STK11: variants seen among roughly 807,000 people sequenced by gnomAD.
The protein encoded by STK11 is serine/threonine-protein kinase STK11.
In STK11, 8 loss-of-function variants were observed where a neutral mutation model predicts 47.3. That is an observed-to-expected ratio of 0.17 (90% CI 0.10 to 0.31). STK11 has a LOEUF of 0.31. Ranked by LOEUF, STK11 falls within the 10% of genes least tolerant of loss-of-function variation. The pLI, the probability that STK11 is intolerant of heterozygous loss-of-function variation, is 1.00. For synonymous variants in STK11, 330 were observed against 255.8 expected, an observed-to-expected ratio of 1.29 and a Z score of -2.77; for missense variants, 475 against 605.0, an observed-to-expected ratio of 0.79 and a Z score of 2.25.
chr19:1,223,104 C>T lies in STK11; in HGVS notation c.1040C>T (p.Ala347Val), dbSNP rs587782058. The change falls in exon 8 of 10, where the codon GCG becomes GTG. Residue 347 changes from alanine to valine, a missense_variant. Ala to Val is a moderately conservative substitution (Grantham distance 64, BLOSUM62 0). This residue lies in a region of STK11 where 219 missense variants were observed against 189.2 expected (regional missense o/e 1.16). Transcript: ENST00000326873. Reference sequence around the variant, plus strand: ...CCGTACTTGGAGGACCTGCACGGCGCGGACGAGGACGAGGACCTCTTCGAC... The same window carrying T: ...CCGTACTTGGAGGACCTGCACGGCGTGGACGAGGACGAGGACCTCTTCGAC... Reference protein sequence around the residue: ...VVPYLEDLHGADEDEDLFDIE... With the variant: ...VVPYLEDLHGVDEDEDLFDIE... 8.7e-6 allele frequency: 14 copies of T among 1,611,302 alleles called. No individual in the cohort carries two copies. The highest frequency in any genetic ancestry group is 4.5e-5 in the East Asian group (2 of 44,844).
chr19:1,218,597 G>A (rs978220431), intron 2 of STK11, 97 bp downstream of exon 2: 20 of 1,069,760 alleles, frequency 1.9e-5, no homozygotes, highest in Middle Eastern at 2.5e-4. Flanking sequence ...CCGTCTCCTT[G>A]AAGGAGACTG....
intron 5 of STK11, 62 bp from the exon 6 acceptor site, chr19:1,221,151 G>A (rs2145426449): frequency 1.3e-6 from 2 of 1,597,644 alleles, no homozygotes; most frequent in South Asian, 1.1e-5. Flanking sequence ...GTAGAGCTGG[G>A]GCTCCTAGGG....
At chr19:1,226,381 G>T in intron 8 of STK11, 73 bp from the exon 9 acceptor site, 1 of 1,559,064 alleles carries the variant, frequency 6.4e-7, no homozygotes, top group Non-Finnish European at 8.7e-7. Context: ...CCCCGTGGTG[G>T]GGGCCAGCCA....
chr19:1,224,215 C>T (rs1390400703), intron 8 of STK11: 9 of 984,776 alleles, frequency 9.1e-6, no homozygotes, highest in Non-Finnish European at 1.1e-5. Flanking sequence ...GTCTGGGGGC[C>T]CCCCAGGAGG....
intron 8 of STK11, chr19:1,224,242 C>T: frequency 1.0e-6 from 1 of 985,138 alleles, no homozygotes; most frequent in Non-Finnish European, 1.2e-6. Context: ...CATGTGGGGG[C>T]CCCCCAGGAG....
chr19:1,209,600 A>G, intron 1 of STK11, among the ~76,000 whole-genome samples: 1 of 151,864 alleles, frequency 6.6e-6, no homozygotes, highest in Non-Finnish European at 1.5e-5. Flanking sequence ...ATAAATAAAT[A>G]AATAAATAAA....
chr19:1,223,316 C>G, intron 8 of STK11, 144 bp downstream of exon 8: 4 of 1,061,772 alleles, frequency 3.8e-6, no homozygotes, highest in Non-Finnish European at 2.7e-6. Flanking sequence ...AGCCCACCTG[C>G]AGGCTGCCTC....
At chr19:1,212,086 G>A (rs2080715136) in intron 1 of STK11, among the ~76,000 whole-genome samples, 1 of 152,038 alleles carries the variant, frequency 6.6e-6, no homozygotes, top group Non-Finnish European at 1.5e-5. Flanking sequence ...GTCCACTGGG[G>A]GTTCTGGGCT....
chr19:1,206,880 G>C lies in STK11; in HGVS notation c.-34G>C, dbSNP rs1395836070. 1.3e-6 allele frequency: 2 copies of C among 1,538,842 alleles called. No individual in the cohort carries two copies. The highest frequency in any genetic ancestry group is 2.4e-5 in the South Asian group (2 of 84,368). On this transcript the variant is annotated 5_prime_UTR_variant, in exon 1 of 10. Coordinates refer to ENST00000326873, the MANE Select transcript of STK11 (RefSeq NM_000455.5). The stretch of plus-strand genomic sequence containing the variant: ...AGGACCGCTCACCCGCGGACTCAGG[G>C]CTGGCGGCGGGACTCCAGGACCCTG...
Position 1,221,983 on chromosome 19 carries a change from C to T in STK11, c.897C>T (p.Ser299=), listed in dbSNP as rs769013935. ...MLEYEPAKRF[S]IRQIRQHSWF... is the part of the protein sequence containing the mutation. Reference sequence around the variant, plus strand: ...AGTACGAACCGGCCAAGAGGTTCTCCATCCGGCAGATCCGGCAGCACAGGT... The same window carrying T: ...AGTACGAACCGGCCAAGAGGTTCTCTATCCGGCAGATCCGGCAGCACAGGT... Residue 299 remains serine, a synonymous_variant, in exon 7 of 10, where the codon TCC becomes TCT. Transcript: ENST00000326873. 5.7e-6 allele frequency: 9 copies of T among 1,569,676 alleles called. No individual in the cohort carries two copies. Among genetic ancestry groups the T allele is most frequent in the South Asian group, 1.2e-5 (1 of 85,410 alleles).
Position 1,221,221 on chromosome 19 carries a change from T to C in STK11, c.743T>C (p.Ile248Thr), listed in dbSNP as rs1599927536. 1 of 1,612,024 alleles carries C rather than the reference T, an allele frequency of 6.2e-7. No homozygotes were observed. Among genetic ancestry groups the C allele is most frequent in the Non-Finnish European group, 8.5e-7 (1 of 1,179,262 alleles). The change falls in exon 6 of 10, where the codon ATC (isoleucine) becomes ACC (threonine). Residue 248 changes from isoleucine (I) to threonine (T), a missense_variant. By Grantham distance (89) the Ile-to-Thr change is moderately conservative. This residue lies in a region of STK11 where 130 missense variants were observed against 239.7 expected (regional missense o/e 0.54). Coordinates refer to ENST00000326873, the MANE Select transcript of STK11 (RefSeq NM_000455.5). ...IWSAGVTLYN[I>T]TTGLYPFEGD... is the part of the protein sequence containing the mutation. ...CTCCCCTCGAAATGAAGCTACAACA[T>C]CACCACGGGTCTGTACCCCTTCGAA...
rs996748569 is a variant in STK11 at position 1,225,033 on chromosome 19, G to A, written c.1109-1421G>A. On this transcript the variant is annotated intron_variant, in intron 8 of 9. Transcript: ENST00000326873. ...CTGCGTGCCTCCACTTTGGCCTCAC[G>A]TGTCCCTACCCAGGATGCGGGTCCT... 9 of 980,350 alleles carry A rather than the reference G, an allele frequency of 9.2e-6. No individual in the cohort carries two copies. The Admixed American group carries it at 1.9e-4, about 21-fold the overall frequency. The allele number at this position is 980,350 out of a possible 1,614,324, so 60.7% of individuals were successfully genotyped here.
intron 1 of STK11, among the ~76,000 whole-genome samples, chr19:1,217,911 G>A (rs867455943): frequency 1.1e-4 from 16 of 152,276 alleles, no homozygotes; most frequent in Middle Eastern, 3.4e-3. Context: ...TTGGGAGGCC[G>A]AGGCGGGCGG....
At chr19:1,213,341 T>C (rs769764172) in intron 1 of STK11, among the ~76,000 whole-genome samples, 1 of 152,144 alleles carries the variant, frequency 6.6e-6, no homozygotes, top group African/African-American at 2.4e-5. Flanking sequence ...ATATAGTACA[T>C]TGACAGAGTT....
chr19:1,221,552 C>T, intron 6 of STK11: 1 of 749,486 alleles, frequency 1.3e-6, no homozygotes. Flanking sequence ...CCTCCGAACT[C>T]CCACCCCAGA....
chr19:1,207,195 C>T lies in STK11; in HGVS notation c.282C>T (p.Asn94=), dbSNP rs2145406004. 6.2e-7 allele frequency: 1 copy of T among 1,603,596 alleles called. No individual in the cohort carries two copies. Among genetic ancestry groups the T allele is most frequent in the Non-Finnish European group, 8.5e-7 (1 of 1,175,074 alleles). ...GAAGGATCCCCAACGGGGAGGCCAA[C>T]GTGAAGAAGTAAGTATGGCTTGCTG... ...KLRRIPNGEA[N]VKKEIQLLRR... Residue 94 remains asparagine (N), a synonymous_variant, in exon 1 of 10, where the codon AAC becomes AAT. Transcript: ENST00000326873.
chr19:1,226,956 C>T, intron 9 of STK11: 5 of 407,336 alleles, frequency 1.2e-5, no homozygotes, highest in Non-Finnish European at 1.7e-5. Flanking sequence ...AGGACCCTGC[C>T]CTGGGCCTGG....
chr19:1,208,703 C>T (rs1313222842), intron 1 of STK11, among the ~76,000 whole-genome samples: 1 of 142,046 alleles, frequency 7.0e-6, no homozygotes, highest in East Asian at 2.1e-4. Context: ...CTGCAATCTC[C>T]GCCCCCTGGG....
chr19:1,215,670 A>C (rs998168631), intron 1 of STK11, among the ~76,000 whole-genome samples: 2 of 152,194 alleles, frequency 1.3e-5, no homozygotes, highest in African/African-American at 4.8e-5. Context: ...AAGGTGAGCC[A>C]AGGCTTCCTG....
Sources: allele counts gnomAD v4.1 joint callset (sites outside exome capture counted in the v4.1 genomes callset), GRCh38; gene constraint gnomAD v4.1.1; regional missense constraint gnomAD v4.1.1; transcripts MANE v1.5; gene names NCBI Gene and HGNC (gene_info 2026-07-23, HGNC 2026-07-21).